POR: variants seen among roughly 807,000 people sequenced by gnomAD.
POR encodes cytochrome p450 oxidoreductase, also known as NADPH--cytochrome P450 reductase.
Under a neutral mutation model 84.0 loss-of-function variants are expected in POR, and 56 were observed. That is an observed-to-expected ratio of 0.67 (90% CI 0.54 to 0.83). The LOEUF (loss-of-function observed/expected upper bound fraction) is 0.83. Ranked by LOEUF, POR falls within the 40% of genes least tolerant of loss-of-function variation. POR has a pLI of 0.00. For synonymous variants in POR, 414 were observed against 400.5 expected (o/e 1.03, Z -0.40); for missense variants, 938 against 944.3 (o/e 0.99, Z 0.09).
intron 8 of POR, among the ~76,000 whole-genome samples, chr7:75,982,695 G>C (rs576363734): frequency 1.3e-5 from 2 of 152,362 alleles, no homozygotes; most frequent in South Asian, 4.1e-4. Flanking sequence ...CTGTGCCCTT[G>C]ATGGCCCCTG....
intron 2 of POR, among the ~76,000 whole-genome samples, chr7:75,962,241 G>A (rs116150862): frequency 0.023 from 3,565 of 152,140 alleles, 137 homozygotes; most frequent in African/African-American, 0.078. Flanking sequence ...TAAATCTTTC[G>A]TTTGGGAGAG....
chr7:75,978,668 C>A (rs1398108450), intron 3 of POR, among the ~76,000 whole-genome samples: 3 of 152,052 alleles, frequency 2.0e-5, no homozygotes, highest in African/African-American at 7.2e-5. Context: ...GGATTACAGG[C>A]ATGTGCCACC....
At chr7:75,968,834 C>A (rs1342212094) in intron 2 of POR, among the ~76,000 whole-genome samples, 2 of 152,236 alleles carry the variant, frequency 1.3e-5, no homozygotes, top group South Asian at 4.1e-4. Context: ...CCAGGGCCAG[C>A]CAGCCTGGCA....
Position 75,980,387 on chromosome 7 carries a change from T to C in POR, c.415T>C (p.Cys139Arg). 6.2e-7 allele frequency: 1 copy of C among 1,613,290 alleles called. No homozygotes were observed. The highest frequency in any genetic ancestry group is 8.5e-7 in the Non-Finnish European group (1 of 1,179,870). ...GATCGACAACGCCCTGGTGGTTTTC[T>C]GCATGGCCACCTACGGTGAGGGAGA... is the stretch of plus-strand genomic sequence containing the variant. Residue 139 changes from cysteine to arginine, a missense_variant, in exon 5 of 16, where the codon TGC becomes CGC. Cys to Arg is a radical substitution (Grantham distance 180). Coordinates refer to ENST00000461988, the MANE Select transcript of POR (RefSeq NM_000941.3).
chr7:75,926,184 AT>A (rs1554549481), intron 1 of POR, among the ~76,000 whole-genome samples: 1 of 138,894 alleles, frequency 7.2e-6, no homozygotes, highest in African/African-American at 3.2e-5. Flanking sequence ...TTTTGCAGAG[AT>A]GGGGTCTTGC....
At position 75,972,451 on chromosome 7, in the gene POR, T is replaced by G; in HGVS notation, c.227T>G (p.Met76Arg). ...AGAGAGAGCAGCTTTGTGGAAAAGA[T>G]GAAGAAAACGGTGAGTTTCCTGCAT... The change falls in exon 3 of 16, where the codon ATG (methionine) becomes AGG (arginine). Residue 76 changes from methionine (M) to arginine (R), a missense_variant. Physicochemically the swap from Met to Arg is moderately conservative, Grantham distance 91. Coordinates refer to ENST00000461988, the MANE Select transcript of POR (RefSeq NM_000941.3). 6.2e-7 allele frequency: 1 copy of G among 1,607,726 alleles called. No homozygotes were observed. Among genetic ancestry groups the G allele is most frequent in the South Asian group, 1.1e-5 (1 of 89,514 alleles).
chr7:75,920,011 AC>A (rs1473674573), intron 1 of POR, among the ~76,000 whole-genome samples: 5 of 148,074 alleles, frequency 3.4e-5, no homozygotes, highest in African/African-American at 1.3e-4. Flanking sequence ...TGGTGGCCAG[AC>A]TGTGGTGCTG....
intron 1 of POR, among the ~76,000 whole-genome samples, chr7:75,943,533 A>G (rs1554551791): frequency 1.3e-5 from 2 of 152,178 alleles, no homozygotes; most frequent in Admixed American, 1.3e-4. Context: ...TTTTTGCATA[A>G]TATCTGCTGG....
intron 2 of POR, among the ~76,000 whole-genome samples, chr7:75,966,191 G>A (rs569008386): frequency 2.6e-5 from 4 of 152,176 alleles, no homozygotes; most frequent in East Asian, 3.9e-4. Flanking sequence ...CATTCCCTTC[G>A]CCTGTTTTGT....
intron 1 of POR, chr7:75,918,666 A>T (rs1342383897): frequency 6.6e-6 from 1 of 152,222 alleles, no homozygotes; most frequent in African/African-American, 2.4e-5. Context: ...TCTCACAGGG[A>T]GGGAAGCAAG....
intron 1 of POR, among the ~76,000 whole-genome samples, chr7:75,934,928 G>A (rs782786132): frequency 7.9e-5 from 12 of 152,204 alleles, no homozygotes; most frequent in Non-Finnish European, 1.6e-4. Context: ...ACCCCTTACC[G>A]AGAACCTCTG....
chr7:75,968,074 G>A (rs1554555554), intron 2 of POR: 4 of 455,212 alleles, frequency 8.8e-6, no homozygotes, highest in Non-Finnish European at 1.8e-5. Flanking sequence ...AGCTGAGAGT[G>A]AGAAGCCATG....
At chr7:75,975,195 T>C (rs187207584) in intron 3 of POR, among the ~76,000 whole-genome samples, 79 of 152,254 alleles carry the variant, frequency 5.2e-4, no homozygotes, top group Non-Finnish European at 1.0e-3. Context: ...TTGTTTTTCA[T>C]ATTCAAAATT....
At position 75,972,430 on chromosome 7, in the gene POR, A is replaced by G; in HGVS notation, c.206A>G (p.Glu69Gly). The G allele has an allele frequency of 6.2e-7, 1 of 1,610,264 alleles. No individual in the cohort carries two copies. The highest frequency in any genetic ancestry group is 8.5e-7 in the Non-Finnish European group (1 of 1,178,372). The stretch of plus-strand genomic sequence containing the variant: ...TCTTGCAGGACCTCCTCTGTCAGAG[A>G]GAGCAGCTTTGTGGAAAAGATGAAG... Residue 69 changes from glutamate (E) to glycine (G), a missense_variant, in exon 3 of 16, where the codon GAG becomes GGG. By Grantham distance (98) the Glu-to-Gly change is moderately conservative. Coordinates refer to ENST00000461988, the MANE Select transcript of POR (RefSeq NM_000941.3).
At position 75,986,426 on chromosome 7, in the gene POR, A is replaced by G. The variant is rs1554559499; in HGVS notation, c.1988A>G (p.Asp663Gly). Residue 663 changes from aspartate (D) to glycine (G), a missense_variant, in exon 16 of 16, where the codon GAC becomes GGC. Physicochemically the swap from Asp to Gly is moderately conservative, Grantham distance 94. Coordinates refer to ENST00000461988, the MANE Select transcript of POR (RefSeq NM_000941.3). ...GCCATGGAGCACGCGCAGGCGGTGG[A>G]CTACATCAAGAAACTGATGACCAAG... 1.2e-6 allele frequency: 2 copies of G among 1,612,460 alleles called. No individual in the cohort carries two copies. The highest frequency in any genetic ancestry group is 1.7e-6 in the Non-Finnish European group (2 of 1,179,866).
chr7:75,915,307 G>A, intron 1 of POR, 128 bp downstream of exon 1: 1 of 152,796 alleles, frequency 6.5e-6, no homozygotes, highest in Non-Finnish European at 1.5e-5. Context: ...TCGGGCCTGG[G>A]CACTGCGCGT....
intron 4 of POR, chr7:75,979,828 C>A (rs1788907005): frequency 2.1e-6 from 1 of 485,694 alleles, no homozygotes; most frequent in African/African-American, 2.0e-5. Flanking sequence ...TGAGTGCCGG[C>A]TGCCCTCCTG....
rs72557957 is a variant in POR at position 75,986,279 on chromosome 7, G to T, written c.1898+38G>T. ...GGTCACTGGAATAGGGGGCAGGGAGGACAAGGCCCTGCCTGCCACAGTTGG... is the reference window on the plus strand; with the variant it reads ...GGTCACTGGAATAGGGGGCAGGGAGTACAAGGCCCTGCCTGCCACAGTTGG... On this transcript the variant is annotated intron_variant, in intron 15 of 15. Coordinates refer to ENST00000461988, the MANE Select transcript of POR (RefSeq NM_000941.3). 5 of 1,612,506 alleles carry T rather than the reference G, an allele frequency of 3.1e-6. No individual in the cohort carries two copies. The East Asian group carries it at 1.1e-4, about 36-fold the overall frequency.
chr7:75,937,442 A>T (rs2116318040), intron 1 of POR, among the ~76,000 whole-genome samples: 1 of 138,766 alleles, frequency 7.2e-6, no homozygotes, highest in East Asian at 2.1e-4. Context: ...ACTGTACTCC[A>T]GCCTGGGGAC....
Sources: gnomAD v4.1 joint callset for allele counts (sites outside exome capture counted in the v4.1 genomes callset) on GRCh38, gnomAD v4.1.1 for gene constraint, MANE v1.5 for transcripts, NCBI Gene and HGNC (gene_info 2026-07-23, HGNC 2026-07-21) for gene names.